The following P3H3 variants were observed in gnomAD, a reference collection of about 807,000 sequenced individuals.
The protein encoded by P3H3 is prolyl 3-hydroxylase 3, also known as gene rich cluster, B.
In P3H3, 64 loss-of-function variants were observed where a neutral mutation model predicts 78.1. The observed-to-expected ratio is 0.82, with a 90% CI of 0.67 to 1.01. The LOEUF is 1.01. P3H3 is among the 50% of genes least tolerant of loss of function. The pLI is 0.00. For synonymous variants in P3H3, 425 were observed against 416.7 expected (o/e 1.02, Z -0.24); for missense variants, 975 against 982.2 (o/e 0.99, Z 0.10).
intron 4 of P3H3, 68 bp downstream of exon 4, chr12:6,830,838 T>A (rs1555121305): frequency 1.3e-6 from 2 of 1,590,058 alleles, no homozygotes; most frequent in South Asian, 2.2e-5. Flanking sequence ...GCTCCATCTC[T>A]CTATCCCTCC....
chr12:6,839,091 G>C lies in P3H3; in HGVS notation c.1997G>C (p.Arg666Pro). 6.2e-7 allele frequency: 1 copy of C among 1,610,388 alleles called. No homozygotes were observed. The highest frequency in any genetic ancestry group is 1.3e-5 in the African/African-American group (1 of 75,008). Residue 666 changes from arginine (R) to proline (P), a missense_variant, in exon 14 of 15, where the codon CGC (arginine) becomes CCC (proline). By Grantham distance (103) the Arg-to-Pro change is moderately radical. Transcript: ENST00000290510. Reference sequence around the variant, plus strand: ...GTGTGGGCCGTGACTCGGGGACGGCGCTGTGCCCTGGCACTGTGGCACACG... The same window carrying C: ...GTGTGGGCCGTGACTCGGGGACGGCCCTGTGCCCTGGCACTGTGGCACACG... Reference protein sequence around the residue: ...HGVWAVTRGRRCALALWHTWA... With the variant: ...HGVWAVTRGRPCALALWHTWA...
rs1943542863 is a variant in P3H3 at position 6,839,761 on chromosome 12, C to A, written c.*300C>A. 5.1e-6 allele frequency: 2 copies of A among 389,476 alleles called. No individual in the cohort carries two copies. Among genetic ancestry groups the A allele is most frequent in the African/African-American group, 2.0e-5 (1 of 50,580 alleles). 24.1% of individuals were successfully genotyped at this position (389,476 alleles called of 1,614,324 possible). ...GAAATGGCAGGGGAGGAGGCTGATG[C>A]TTTAAATGAAGAGGATGGTGGGGTT... is the stretch of plus-strand genomic sequence containing the variant. On this transcript the variant is annotated 3_prime_UTR_variant, in exon 15 of 15. Coordinates refer to ENST00000290510, the MANE Select transcript of P3H3 (RefSeq NM_014262.5).
chr12:6,838,154 C>G (rs1767828377), intron 13 of P3H3, 121 bp downstream of exon 13: 1 of 1,329,940 alleles, frequency 7.5e-7, no homozygotes. Context: ...CCTTTCACTT[C>G]CCCGCCTCCG....
Position 6,836,810 on chromosome 12 carries a change from G to A in P3H3, c.1459-175G>A, listed in dbSNP as rs189384916. Among the ~76,000 whole-genome samples, 197 of 152,352 alleles carry A rather than the reference G, an allele frequency of 1.3e-3. 2 individuals are homozygous for A. The highest frequency in any genetic ancestry group is 5.6e-3 in the East Asian group (29 of 5,182). ...ACCAGAGAGGGACAATCGGACAGCC[G>A]TGGCGGTGGGCACTCTCTGGGAAAG... is the stretch of plus-strand genomic sequence containing the variant. On this transcript the variant is annotated intron_variant, in intron 9 of 14. Transcript: ENST00000290510.
intron 13 of P3H3, among the ~76,000 whole-genome samples, chr12:6,838,382 C>T (rs146843660): frequency 8.7e-4 from 132 of 152,254 alleles, no homozygotes; most frequent in African/African-American, 3.0e-3. Flanking sequence ...ATACCAGGGC[C>T]GCCTTGACTG....
rs1294150004 is a variant in P3H3 at position 6,839,319 on chromosome 12, T to A, written c.2069T>A (p.Leu690Gln). The change falls in exon 15 of 15, where the codon CTG becomes CAG. Residue 690 changes from leucine to glutamine, a missense_variant. Coordinates refer to ENST00000290510, the MANE Select transcript of P3H3 (RefSeq NM_014262.5). ...REQEWIEAKE[L>Q]LQESQEEEEE... ...CAGGAGTGGATAGAAGCCAAAGAAC[T>A]GCTGCAGGAGTCACAGGAGGAGGAG... is the stretch of plus-strand genomic sequence containing the variant. 2 of 1,553,226 alleles carry A rather than the reference T, an allele frequency of 1.3e-6. No individual in the cohort carries two copies. Among genetic ancestry groups the A allele is most frequent in the Non-Finnish European group, 1.7e-6 (2 of 1,147,978 alleles).
At chr12:6,837,339 G>A in intron 10 of P3H3, 84 bp from the exon 11 acceptor site, 1 of 1,515,554 alleles carries the variant, frequency 6.6e-7, no homozygotes, top group Non-Finnish European at 8.9e-7. Context: ...TGGGTGGAGA[G>A]CGGCAGAGTT....
At chr12:6,835,507 C>T (rs1480380997) in intron 9 of P3H3, among the ~76,000 whole-genome samples, 2 of 151,980 alleles carry the variant, frequency 1.3e-5, no homozygotes, top group Non-Finnish European at 2.9e-5. Context: ...TCGCTTGGAC[C>T]CAGGAGGCGG....
chr12:6,828,543 C>T lies in P3H3; in HGVS notation c.103C>T (p.Gln35Ter). Residue 35 changes from glutamine to a stop codon, truncating the protein, a stop_gained, in exon 1 of 15, where the codon CAG (glutamine) becomes TAG (stop). Transcript: ENST00000290510. LOFTEE classifies it high-confidence loss of function. ...CCAGCTGTCCCCGGGGGCGCCCCCGCAGGCCCCCGACTTGCTCTACGCTGA... is the reference window on the plus strand; with the variant it reads ...CCAGCTGTCCCCGGGGGCGCCCCCGTAGGCCCCCGACTTGCTCTACGCTGA... ...LTQLSPGAPPQAPDLLYADGL... is the reference protein window; with the variant it reads ...LTQLSPGAPP 1 of 1,276,378 alleles carries T rather than the reference C, an allele frequency of 7.8e-7. No individual in the cohort carries two copies. The highest frequency in any genetic ancestry group is 9.9e-7 in the Non-Finnish European group (1 of 1,010,624). 79.1% of individuals were successfully genotyped at this position (1,276,378 alleles called of 1,614,324 possible).
chr12:6,833,669 G>A (rs782446064), intron 7 of P3H3, 25 bp downstream of exon 7: 1 of 1,612,382 alleles, frequency 6.2e-7, no homozygotes, highest in East Asian at 2.2e-5. Context: ...ATGGTGGGAG[G>A]GGCTTGGCCC....
In P3H3 at chr12:6,831,058, G is replaced by C. The variant is rs782773254; in HGVS notation, c.986-158G>C. On this transcript the variant is annotated intron_variant, in intron 4 of 14. Coordinates refer to ENST00000290510, the MANE Select transcript of P3H3 (RefSeq NM_014262.5). The surrounding 1 kb of genome is among the most constrained non-coding windows in gnomAD (Gnocchi z 4.6). The stretch of plus-strand genomic sequence containing the variant: ...GGTATGTTTGCACCAGTGTTTGAAA[G>C]AACCGGCAGCTGAACTTGTCTGCCA... The C allele has an allele frequency of 1.4e-5, 14 of 994,656 alleles. No individual in the cohort carries two copies. In the South Asian group the frequency reaches 1.8e-4, roughly 13 times the overall value. The allele number at this position is 994,656 out of a possible 1,614,324, so 61.6% of individuals were successfully genotyped here.
Position 6,838,985 on chromosome 12 carries a change from C to A in P3H3, c.1906-15C>A, listed in dbSNP as rs782252502. On this transcript the variant is annotated splice_polypyrimidine_tract_variant and intron_variant, in intron 13 of 14. Coordinates refer to ENST00000290510, the MANE Select transcript of P3H3 (RefSeq NM_014262.5). The stretch of plus-strand genomic sequence containing the variant: ...GAGCCAATCCCTGGAGCTGAACCTG[C>A]CCTCATCCCTCCAGGCTCGGGTGCG... 6.4e-7 allele frequency: 1 copy of A among 1,567,928 alleles called. No individual in the cohort carries two copies.
chr12:6,829,986 G>C lies in P3H3; in HGVS notation c.626G>C (p.Arg209Pro). Residue 209 changes from arginine (R) to proline (P), a missense_variant, in exon 2 of 15, where the codon CGG becomes CCG. Physicochemically the swap from Arg to Pro is moderately radical, Grantham distance 103 (BLOSUM62 -2). Transcript: ENST00000290510. This position sits in a 1 kb window ranked among gnomAD's most constrained non-coding sequence, Gnocchi z 5.1. The stretch of plus-strand genomic sequence containing the variant: ...TCGGGAGTTCGGCCCCAGAGCTTCC[G>C]GGACCTGGAGACGCCCCCACACTGG... ...RMSGVRPQSF[R>P]DLETPPHWAA... is the part of the protein sequence containing the mutation. 3 of 1,613,938 alleles carry C rather than the reference G, an allele frequency of 1.9e-6. No individual in the cohort carries two copies. Among genetic ancestry groups the C allele is most frequent in the Non-Finnish European group, 2.5e-6 (3 of 1,179,884 alleles).
chr12:6,839,589 C>G lies in P3H3; in HGVS notation c.*128C>G, dbSNP rs2137971681. On this transcript the variant is annotated 3_prime_UTR_variant, in exon 15 of 15. Coordinates refer to ENST00000290510, the MANE Select transcript of P3H3 (RefSeq NM_014262.5). ...AGCAAGCTCTCTGTCCCTGCACCCC[C>G]ACCATCTTGGGGACCTACAAGGGCC... is the stretch of plus-strand genomic sequence containing the variant. 8.6e-7 allele frequency: 1 copy of G among 1,157,662 alleles called. No individual in the cohort carries two copies. Among genetic ancestry groups the G allele is most frequent in the Non-Finnish European group, 1.2e-6 (1 of 838,520 alleles). The allele number at this position is 1,157,662 out of a possible 1,614,324, so 71.7% of individuals were successfully genotyped here. A position where few individuals can be genotyped will look rare whatever the true frequency, so the allele number is the denominator to read the frequency against.
Position 6,828,832 on chromosome 12 carries a change from G to A in P3H3, c.392G>A (p.Arg131Gln), listed in dbSNP as rs1943412879. ...GACTGCCTGACCCAGTGCGCAGCAC[G>A]GAGGCTGGGCCCCGGGGGCGCGGCG... ...RADCLTQCAA[R>Q]RLGPGGAARL... The change falls in exon 1 of 15, where the codon CGG (arginine) becomes CAG (glutamine). Residue 131 changes from arginine (R) to glutamine (Q), a missense_variant. Transcript: ENST00000290510. 3.2e-6 allele frequency: 4 copies of A among 1,242,362 alleles called. No homozygotes were observed. Among genetic ancestry groups the A allele is most frequent in the South Asian group, 6.9e-5 (2 of 28,844 alleles). 77.0% of individuals were successfully genotyped at this position (1,242,362 alleles called of 1,614,324 possible). A position where few individuals can be genotyped will look rare whatever the true frequency, so the allele number is the denominator to read the frequency against.
chr12:6,839,461 A>C lies in P3H3; in HGVS notation c.2211A>C (p.Ter737CysextTer7), dbSNP rs782719448. 5.2e-6 allele frequency: 8 copies of C among 1,550,664 alleles called. No individual in the cohort carries two copies. Among genetic ancestry groups the C allele is most frequent in the Non-Finnish European group, 7.0e-6 (8 of 1,146,830 alleles). ...CACCTCGGGTTCGGGAGGAGCTGTG[A>C]GTGGCTGAGCCAGCTCCTTGAGGAT... ...GRAPRVREEL[*>C] is the part of the protein sequence containing the mutation. The change falls in exon 15 of 15, where the codon TGA becomes TGC. Residue 737 changes from the stop codon to cysteine (C), a stop_lost. Transcript: ENST00000290510.
intron 6 of P3H3, 74 bp from the exon 7 acceptor site, chr12:6,833,518 A>G: frequency 1.4e-6 from 2 of 1,404,830 alleles, no homozygotes; most frequent in Non-Finnish European, 2.0e-6. Flanking sequence ...ACTTAATGAG[A>G]TATTTCAGCT....
chr12:6,838,946 C>T, intron 13 of P3H3, 54 bp from the exon 14 acceptor site: 2 of 1,509,934 alleles, frequency 1.3e-6, no homozygotes, highest in South Asian at 2.6e-5. Flanking sequence ...GAGTGAGGGC[C>T]AAGTTCTCTG....
rs782526812 is a variant in P3H3 at position 6,837,430 on chromosome 12, G to A, written c.1568G>A (p.Arg523Gln). 71 of 1,610,378 alleles carry A rather than the reference G, an allele frequency of 4.4e-5. No individual in the cohort carries two copies. In the East Asian group the frequency reaches 5.6e-4, roughly 13 times the overall value. ...GCCTTTCACTGCCTGCAGCTGGCCC[G>A]GGCTGGGACAGTGGGCAGTCAGGGT... ...LTVLKAAQLARAGTVGSQGAK... is the reference protein window; with the variant it reads ...LTVLKAAQLAQAGTVGSQGAK... Residue 523 changes from arginine to glutamine, a missense_variant, in exon 11 of 15, where the codon CGG (arginine) becomes CAG (glutamine). Transcript: ENST00000290510.
Sources: gnomAD v4.1 joint callset for allele counts (sites outside exome capture counted in the v4.1 genomes callset) on GRCh38, gnomAD v4.1.1 for gene constraint, Gnocchi (gnomAD v3.1) non-coding constraint, MANE v1.5 for transcripts, NCBI Gene and HGNC (gene_info 2026-07-23, HGNC 2026-07-21) for gene names.